The following ANKRD28 variants were observed in gnomAD, a reference collection of about 807,000 sequenced individuals.
The protein encoded by ANKRD28 is serine/threonine-protein phosphatase 6 regulatory ankyrin repeat subunit A.
Under a neutral mutation model 126.5 loss-of-function variants are expected in ANKRD28, and 44 were observed. The observed-to-expected ratio is 0.35, with a 90% CI of 0.27 to 0.45. The LOEUF (loss-of-function observed/expected upper bound fraction) is 0.45, where lower values mean the gene tolerates loss of function less well. ANKRD28 is among the 20% of genes least tolerant of loss of function. The pLI, the probability that ANKRD28 is intolerant of heterozygous loss-of-function variation, is 1.00. For synonymous variants in ANKRD28, 442 were observed against 468.5 expected (o/e 0.94, Z 0.73); for missense variants, 1,110 against 1,316.6 (o/e 0.84, Z 2.43).
At chr3:15,698,135 G>A (rs147424575) in intron 14 of ANKRD28, among the ~76,000 whole-genome samples, 8 of 151,704 alleles carry the variant, frequency 5.3e-5, no homozygotes, top group East Asian at 1.9e-4. Context: ...TCTTGCTAGC[G>A]GTCTGTCTGA....
chr3:15,743,355 AAAAC>A (rs539157166), intron 4 of ANKRD28, among the ~76,000 whole-genome samples: 480 of 150,930 alleles, frequency 3.2e-3, no homozygotes, highest in African/African-American at 9.6e-3. Context: ...TGATCAATAA[AAAAC>A]AAACAAACAA....
At chr3:15,714,802 C>T (rs2072806623) in intron 8 of ANKRD28, 146 bp from the exon 9 acceptor site, 2 of 485,184 alleles carry the variant, frequency 4.1e-6, no homozygotes, top group Non-Finnish European at 7.0e-6. Flanking sequence ...GGTAAAACAG[C>T]TGTTTAAAAT....
At chr3:15,702,376 C>CT (rs1338801055) in intron 14 of ANKRD28, among the ~76,000 whole-genome samples, 1 of 152,140 alleles carries the variant, frequency 6.6e-6, no homozygotes. Context: ...TCTGTATACT[C>CT]TTTTTTCTGT....
intron 2 of ANKRD28, among the ~76,000 whole-genome samples, chr3:15,783,027 GAC>G (rs2059606553): frequency 6.6e-6 from 1 of 151,696 alleles, no homozygotes; most frequent in Non-Finnish European, 1.5e-5. Flanking sequence ...ATGACAATGG[GAC>G]AGTTTTTTTT....
chr3:15,745,582 AC>A (rs2057422159), intron 4 of ANKRD28, among the ~76,000 whole-genome samples: 1 of 152,168 alleles, frequency 6.6e-6, no homozygotes. Flanking sequence ...CTATTTTTAT[AC>A]CAGTACCATG....
At chr3:15,852,064 C>T (rs567136924) in intron 1 of ANKRD28, among the ~76,000 whole-genome samples, 61 of 152,126 alleles carry the variant, frequency 4.0e-4, no homozygotes, top group African/African-American at 1.4e-3. Context: ...AATGGAGGTT[C>T]GGGGGTTGAT....
chr3:15,777,289 G>A (rs1335723678), intron 2 of ANKRD28, among the ~76,000 whole-genome samples: 194 of 134,338 alleles, frequency 1.4e-3, no homozygotes, highest in African/African-American at 3.4e-3. Flanking sequence ...AAAAAAAAAA[G>A]AAAAAAAAGA....
chr3:15,727,255 G>T lies in ANKRD28; in HGVS notation c.641-2731C>A, dbSNP rs192614357. ...CTCAAAGTAAATTGAAAACCTTCTG[G>T]AAAGGATTCATCATTCTAGATGCCA... On this transcript the variant is annotated intron_variant, in intron 6 of 27. Transcript: ENST00000683139. 4.8e-3 allele frequency among the ~76,000 whole-genome samples: 732 copies of T among 152,170 alleles called. 6 individuals are homozygous for T. Among genetic ancestry groups the T allele is most frequent in the Non-Finnish European group, 7.8e-3 (532 of 68,006 alleles).
At chr3:15,698,649 A>G (rs2070054625) in intron 14 of ANKRD28, among the ~76,000 whole-genome samples, 1 of 152,182 alleles carries the variant, frequency 6.6e-6, no homozygotes, top group African/African-American at 2.4e-5. Context: ...AACTGCTACA[A>G]AGAGAGTAAA....
At chr3:15,841,657 A>C (rs994464266) in intron 1 of ANKRD28, among the ~76,000 whole-genome samples, 2 of 152,232 alleles carry the variant, frequency 1.3e-5, no homozygotes. Context: ...GAAAACATGT[A>C]AATGGCAAAC....
At position 15,767,700 on chromosome 3, in the gene ANKRD28, TAAAAAAAAAAAAAAAAAAAAA is replaced by T. The variant is rs57072807; in HGVS notation, c.202-1409_202-1389del. Among the ~76,000 whole-genome samples the T allele has an allele frequency of 5.6e-3, 361 of 64,334 alleles. 7 individuals carry two copies. The highest frequency in any genetic ancestry group is 0.032 in the African/African-American group (344 of 10,878). The allele number at this position is 64,334 out of a possible 152,430, so 42.2% of individuals were successfully genotyped here. Reference sequence around the variant, plus strand: ...TAACACAATGAAACCTAGTCTCTACTAAAAAAAAAAAAAAAAAAAAAAAAAAAAAAAAAAAAAAAAAGCCGC... The same window carrying T: ...TAACACAATGAAACCTAGTCTCTACTAAAAAAAAAAAAAAAAAAAAGCCGC... On this transcript the variant is annotated intron_variant, in intron 2 of 27. Transcript: ENST00000683139.
chr3:15,745,338 A>G (rs2057404743), intron 4 of ANKRD28, among the ~76,000 whole-genome samples: 1 of 152,100 alleles, frequency 6.6e-6, no homozygotes, highest in Admixed American at 6.5e-5. Flanking sequence ...TAGAATCTCT[A>G]TGGTTTCAGG....
chr3:15,696,307 A>G (rs2069543326), intron 14 of ANKRD28, 62 bp from the exon 15 acceptor site: 4 of 1,074,902 alleles, frequency 3.7e-6, no homozygotes, highest in Non-Finnish European at 5.4e-6. Flanking sequence ...CAATGATAAA[A>G]AGAGACTGAA....
At chr3:15,676,846 G>T in intron 26 of ANKRD28, 128 bp downstream of exon 26, 1 of 659,456 alleles carries the variant, frequency 1.5e-6, no homozygotes, top group Non-Finnish European at 2.5e-6. Flanking sequence ...TTTGACAGTT[G>T]TAAAACTATT....
intron 4 of ANKRD28, among the ~76,000 whole-genome samples, chr3:15,743,596 A>G (rs1228184834): frequency 6.6e-6 from 1 of 151,158 alleles, no homozygotes; most frequent in Non-Finnish European, 1.5e-5. Context: ...ACACACACGC[A>G]CACCAAAAAC....
chr3:15,795,238 T>C lies in ANKRD28; in HGVS notation c.186A>G (p.Glu62=), dbSNP rs762506669. 9.3e-6 allele frequency: 15 copies of C among 1,611,236 alleles called. No individual in the cohort carries two copies. The highest frequency in any genetic ancestry group is 1.3e-5 in the African/African-American group (1 of 74,872). The change falls in exon 2 of 28, where the codon GAA becomes GAG. Residue 62 remains glutamate (E), a synonymous_variant. Coordinates refer to ENST00000683139, the MANE Select transcript of ANKRD28 (RefSeq NM_001349278.2). ...ACTGTTTTACCTGAAAGTTAACATCTTCTTTCTTAAATATTAGTGCTCGAA... is the reference window on the plus strand; with the variant it reads ...ACTGTTTTACCTGAAAGTTAACATCCTCTTTCTTAAATATTAGTGCTCGAA... ...DEVRALIFKK[E]DVNFQDNEKR... is the part of the protein sequence containing the mutation.
rs1337087889 is a variant in ANKRD28, at chr3:15,809,864, A to G, written c.28-14558T>C. Among the ~76,000 whole-genome samples, 3 of 152,166 alleles carry G rather than the reference A, an allele frequency of 2.0e-5. No individual in the cohort carries two copies. In the East Asian group the frequency reaches 5.8e-4, roughly 29 times the overall value. ...AAAGACTTCCAGCAGCCTGCCTTTA[A>G]GTTTCACATATATCAATGTGCTTGT... On this transcript the variant is annotated intron_variant, in intron 1 of 27. Transcript: ENST00000399451.
intron 21 of ANKRD28, chr3:15,684,016 G>A (rs1396386171): frequency 6.6e-6 from 1 of 152,132 alleles, no homozygotes; most frequent in Non-Finnish European, 1.5e-5. Flanking sequence ...GTGAACTACA[G>A]CTTTGTAGAT....
upstream of ANKRD28, among the ~76,000 whole-genome samples, chr3:15,799,104 T>G (rs983227103): frequency 5.3e-5 from 8 of 151,974 alleles, no homozygotes; most frequent in African/African-American, 1.9e-4. Context: ...TATCACTGAG[T>G]ACACACACAT....
Sources: gnomAD v4.1 joint callset for allele counts (sites outside exome capture counted in the v4.1 genomes callset) on GRCh38, gnomAD v4.1.1 for gene constraint, MANE v1.5 for transcripts, NCBI Gene and HGNC (gene_info 2026-07-23, HGNC 2026-07-21) for gene names.